Variants in CFAP44 observed in about 807,000 individuals in gnomAD.
CFAP44 encodes the protein cilia and flagella associated protein 44.
Under a neutral mutation model 216.2 loss-of-function variants are expected in CFAP44, and 134 were observed. The observed-to-expected ratio is 0.62, with a 90% confidence interval of 0.54 to 0.72. The LOEUF (loss-of-function observed/expected upper bound fraction) is 0.72. Ranked by LOEUF, CFAP44 falls within the 30% of genes least tolerant of loss-of-function variation. The probability of loss-of-function intolerance (pLI) is 0.00; values close to 1 mark genes in which losing one functional copy is unlikely to be tolerated. For missense variants in CFAP44, 2,035 were observed against 2,182.1 expected (o/e 0.93, Z 1.34); for synonymous variants, 700 against 727.6 (o/e 0.96, Z 0.61).
At chr3:113,338,588 A>G (rs79352156) in intron 24 of CFAP44, among the ~76,000 whole-genome samples, 3,801 of 152,212 alleles carry the variant, frequency 0.025, 59 homozygotes, top group East Asian at 0.052. Flanking sequence ...CTGCTTGCAG[A>G]GCAGACTGCT....
At chr3:113,432,994 A>G (rs6768117) in intron 2 of CFAP44, among the ~76,000 whole-genome samples, 74,527 of 151,924 alleles carry the variant, frequency 0.49, 18,962 homozygotes, top group East Asian at 0.68. Context: ...TGGCTGCCCA[A>G]GTGTCATCCT....
intron 1 of CFAP44, among the ~76,000 whole-genome samples, chr3:113,439,011 A>G (rs1332866038): frequency 1.3e-5 from 2 of 152,194 alleles, no homozygotes; most frequent in African/African-American, 2.4e-5. Flanking sequence ...CAATTCACCT[A>G]TCGGGGACAT....
At chr3:113,422,602 T>C (rs1010360840) in intron 4 of CFAP44, among the ~76,000 whole-genome samples, 4 of 152,204 alleles carry the variant, frequency 2.6e-5, no homozygotes, top group African/African-American at 9.6e-5. Context: ...GATCCAAAGA[T>C]GTAAATGAAG....
chr3:113,420,354 A>T (rs1016811930), intron 4 of CFAP44, among the ~76,000 whole-genome samples, 175 bp from the exon 5 acceptor site: 11 of 152,198 alleles, frequency 7.2e-5, no homozygotes, highest in Admixed American at 4.6e-4. Context: ...TTTTGTTTTT[A>T]AATTAGGTGA....
intron 7 of CFAP44, among the ~76,000 whole-genome samples, chr3:113,408,334 C>T (rs867924416): frequency 6.6e-6 from 1 of 152,126 alleles, no homozygotes; most frequent in South Asian, 2.1e-4. Context: ...TGGAGCAAGA[C>T]CTAAGATCAA....
At chr3:113,365,602 C>T (rs1301026914) in intron 19 of CFAP44, among the ~76,000 whole-genome samples, 2 of 152,080 alleles carry the variant, frequency 1.3e-5, no homozygotes, top group African/African-American at 2.4e-5. Context: ...CACATTGTCA[C>T]ATTCTAATAC....
At chr3:113,335,386 G>C (rs192813203) in intron 24 of CFAP44, among the ~76,000 whole-genome samples, 14 of 152,330 alleles carry the variant, frequency 9.2e-5, no homozygotes, top group Non-Finnish European at 1.6e-4. Context: ...AGAGTACAGG[G>C]AGGCCAAATT....
chr3:113,315,506 A>C (rs1212180201), intron 28 of CFAP44, among the ~76,000 whole-genome samples: 1 of 152,204 alleles, frequency 6.6e-6, no homozygotes, highest in Non-Finnish European at 1.5e-5. Context: ...ACCCCTCTCT[A>C]AACATTTGAT....
At chr3:113,367,144 C>T (rs527690273) in intron 18 of CFAP44, among the ~76,000 whole-genome samples, 1 of 152,328 alleles carries the variant, frequency 6.6e-6, no homozygotes, top group Admixed American at 6.5e-5. Flanking sequence ...CATAGCTGAA[C>T]AAAAGGCAGC....
At chr3:113,321,504 C>A (rs1950145939) in intron 28 of CFAP44, among the ~76,000 whole-genome samples, 1 of 152,134 alleles carries the variant, frequency 6.6e-6, no homozygotes, top group Non-Finnish European at 1.5e-5. Flanking sequence ...CAACAAAGTA[C>A]TGTAAGTCTT....
chr3:113,380,803 A>T, intron 16 of CFAP44, 96 bp downstream of exon 16: 1 of 1,072,706 alleles, frequency 9.3e-7, no homozygotes, highest in Non-Finnish European at 1.3e-6. Context: ...CCTATGTTTT[A>T]TTCTTTTGTG....
chr3:113,322,989 T>C lies in CFAP44; in HGVS notation c.4516+3456A>G, dbSNP rs189883837. The stretch of plus-strand genomic sequence containing the variant: ...AGGAAGGAGAAGTGCAGAGTGAAGT[T>C]GGCGGCGGGGAAGCCCCTTATAAAG... On this transcript the variant is annotated intron_variant, in intron 28 of 34. Coordinates refer to ENST00000393845, the MANE Select transcript of CFAP44 (RefSeq NM_001164496.2). Among the ~76,000 whole-genome samples the C allele has an allele frequency of 1.9e-3, 289 of 152,280 alleles. 2 individuals are homozygous for C. The highest frequency in any genetic ancestry group is 5.7e-3 in the African/African-American group (236 of 41,556).
At chr3:113,344,480 A>T in intron 23 of CFAP44, 36 bp downstream of exon 23, 2 of 1,506,712 alleles carry the variant, frequency 1.3e-6, no homozygotes, top group Non-Finnish European at 1.8e-6. Context: ...AAGTCTTAGT[A>T]AATAAGAATT....
At chr3:113,360,313 ATGTAGAT>A (rs1950527129) in intron 21 of CFAP44, 2 of 212,102 alleles carry the variant, frequency 9.4e-6, no homozygotes, top group Non-Finnish European at 2.0e-5. Context: ...TTGTAGAAAC[ATGTAGAT>A]TGTATCACAT....
In CFAP44 at chr3:113,396,705, AT is replaced by A; in HGVS notation, c.1591del (p.Ile531LeufsTer3). The A allele has an allele frequency of 6.2e-7, 1 of 1,613,922 alleles. No homozygotes were observed. Reference sequence around the variant, plus strand: ...AACTCCATCTTCAAATCCTACAATAATTTGTGCTCCAGTGAAGTTTACCTTG... The same window carrying A: ...AACTCCATCTTCAAATCCTACAATAATTGTGCTCCAGTGAAGTTTACCTTG... ...PRMVNFTGAQ[I>X]IVGFEDGVVR... On this transcript the variant is annotated frameshift_variant, in exon 14 of 35. Coordinates refer to ENST00000393845, the MANE Select transcript of CFAP44 (RefSeq NM_001164496.2). LOFTEE classifies it high-confidence loss of function.
chr3:113,302,457 T>TA (rs60866565), intron 32 of CFAP44, among the ~76,000 whole-genome samples: 2,608 of 75,704 alleles, frequency 0.034, 118 homozygotes, highest in African/African-American at 0.061. Flanking sequence ...CTAGACAAAG[T>TA]AAAAAAAAAA....
intron 5 of CFAP44, among the ~76,000 whole-genome samples, chr3:113,417,547 A>C (rs1381651102): frequency 6.6e-6 from 1 of 152,240 alleles, no homozygotes; most frequent in Non-Finnish European, 1.5e-5. Flanking sequence ...CTGTTTTCAG[A>C]TATTATTTCA....
At chr3:113,311,591 C>T (rs1198288827) in intron 28 of CFAP44, among the ~76,000 whole-genome samples, 1 of 152,090 alleles carries the variant, frequency 6.6e-6, no homozygotes, top group East Asian at 1.9e-4. Context: ...TTGGTTATGT[C>T]TTTATCAGCA....
chr3:113,350,730 G>A (rs571157332), intron 22 of CFAP44, among the ~76,000 whole-genome samples: 22 of 152,352 alleles, frequency 1.4e-4, no homozygotes, highest in African/African-American at 5.3e-4. Context: ...GCAGAAGAAA[G>A]TGGGAAAATA....
Sources: allele counts gnomAD v4.1 joint callset (sites outside exome capture counted in the v4.1 genomes callset), GRCh38; gene constraint gnomAD v4.1.1; transcripts MANE v1.5; gene names NCBI Gene and HGNC (gene_info 2026-07-23, HGNC 2026-07-21).